Variants in ST6GAL1 observed in about 807,000 individuals in gnomAD.
ST6GAL1 encodes the protein beta-galactoside alpha-2,6-sialyltransferase 1.
In ST6GAL1, 20 loss-of-function variants were observed where a neutral mutation model predicts 38.0. The observed-to-expected ratio is 0.53, with a 90% CI of 0.37 to 0.77. ST6GAL1 has a LOEUF of 0.77. Among genes scored for constraint, ST6GAL1 ranks in the 30% least tolerant of loss-of-function variants. The pLI, the probability that ST6GAL1 is intolerant of heterozygous loss-of-function variation, is 0.00. For missense variants in ST6GAL1, 432 were observed against 496.4 expected (o/e 0.87, Z 1.23); for synonymous variants, 196 against 188.2 (o/e 1.04, Z -0.34).
At chr3:186,961,859 G>A (rs1336360986) in intron 1 of ST6GAL1, among the ~76,000 whole-genome samples, 1 of 152,164 alleles carries the variant, frequency 6.6e-6, no homozygotes, top group Non-Finnish European at 1.5e-5. Context: ...AGGCAGAGCA[G>A]TCAGCCCAGC....
At chr3:186,985,689 T>TGCCGAG (rs2108541046) in intron 2 of ST6GAL1, among the ~76,000 whole-genome samples, 1 of 150,816 alleles carries the variant, frequency 6.6e-6, no homozygotes, top group East Asian at 1.9e-4. Flanking sequence ...GAGGGACGAT[T>TGCCGAG]GCTTGAGCCT....
At chr3:186,957,844 G>A (rs79367696) in intron 1 of ST6GAL1, among the ~76,000 whole-genome samples, 12,580 of 152,168 alleles carry the variant, frequency 0.083, 646 homozygotes, top group Non-Finnish European at 0.12. Context: ...TCAAATATGA[G>A]GGTGGAATAA....
At chr3:187,065,573 G>C (rs2108597832) in intron 5 of ST6GAL1, among the ~76,000 whole-genome samples, 1 of 152,296 alleles carries the variant, frequency 6.6e-6, no homozygotes, top group East Asian at 1.9e-4. Flanking sequence ...ATAAGAGTAA[G>C]AAGGTTTCTG....
chr3:187,022,418 A>C (rs1717356848), intron 2 of ST6GAL1, among the ~76,000 whole-genome samples: 1 of 152,262 alleles, frequency 6.6e-6, no homozygotes, highest in South Asian at 2.1e-4. Context: ...CGTTTTAGGG[A>C]TTCTTTAGCT....
chr3:186,951,050 A>G (rs1714558041), intron 1 of ST6GAL1, among the ~76,000 whole-genome samples: 1 of 141,338 alleles, frequency 7.1e-6, no homozygotes, highest in African/African-American at 2.5e-5. Context: ...GTCATCCTGA[A>G]TGGTCCCACT....
chr3:187,066,565 A>G (rs115009396), intron 5 of ST6GAL1, among the ~76,000 whole-genome samples: 2,116 of 151,768 alleles, frequency 0.014, 43 homozygotes, highest in African/African-American at 0.047. Flanking sequence ...AGTCCAAAAT[A>G]TGCACAGTGG....
At chr3:187,074,460 G>T in intron 7 of ST6GAL1, 127 bp downstream of exon 7, 1 of 1,029,536 alleles carries the variant, frequency 9.7e-7, no homozygotes. Flanking sequence ...ATTCTGCTCT[G>T]CTTGTAGACC....
intron 2 of ST6GAL1, among the ~76,000 whole-genome samples, chr3:186,992,488 T>A (rs544063780): frequency 3.0e-4 from 45 of 151,918 alleles, no homozygotes; most frequent in African/African-American, 7.0e-4. Context: ...CCTTAAAAAA[T>A]AAATAAATAA....
At chr3:186,966,049 C>T (rs1227796249) in intron 2 of ST6GAL1, among the ~76,000 whole-genome samples, 2 of 152,272 alleles carry the variant, frequency 1.3e-5, no homozygotes, top group African/African-American at 2.4e-5. Context: ...TAGGCATGGG[C>T]CACCACGCTG....
rs1205713771 is a variant in ST6GAL1 at position 186,930,784 on chromosome 3, G to A, written c.-375G>A. 1.3e-5 allele frequency: 2 copies of A among 152,358 alleles called. No individual in the cohort carries two copies. Among genetic ancestry groups the A allele is most frequent in the Non-Finnish European group, 2.9e-5 (2 of 68,188 alleles). 9.4% of individuals were successfully genotyped at this position (152,358 alleles called of 1,614,324 possible). On this transcript the variant is annotated 5_prime_UTR_variant, in exon 1 of 8. Transcript: ENST00000169298. ...CGGCGTGGGCGCGGAGCGGGCGGCCGCCACCGAGCGTGCTGAGCAACCGCA... is the reference window on the plus strand; with the variant it reads ...CGGCGTGGGCGCGGAGCGGGCGGCCACCACCGAGCGTGCTGAGCAACCGCA...
At chr3:186,971,666 G>C (rs868264157) in intron 2 of ST6GAL1, among the ~76,000 whole-genome samples, 1 of 152,190 alleles carries the variant, frequency 6.6e-6, no homozygotes, top group African/African-American at 2.4e-5. Flanking sequence ...TCATTGTCCT[G>C]GGTAGCCCAT....
intron 1 of ST6GAL1, among the ~76,000 whole-genome samples, chr3:186,962,985 CAGGT>C (rs953579379): frequency 2.6e-5 from 4 of 152,048 alleles, no homozygotes; most frequent in Non-Finnish European, 5.9e-5. Context: ...AAACAAGAAA[CAGGT>C]AGAGTATGTT....
intron 2 of ST6GAL1, among the ~76,000 whole-genome samples, chr3:187,030,846 C>T (rs977568870): frequency 2.0e-5 from 3 of 152,164 alleles, no homozygotes; most frequent in African/African-American, 4.8e-5. Context: ...AGTAAATTCC[C>T]TGTCATTCAG....
intron 2 of ST6GAL1, among the ~76,000 whole-genome samples, chr3:187,022,211 A>C (rs1717339719): frequency 6.6e-6 from 1 of 152,094 alleles, no homozygotes; most frequent in African/African-American, 2.4e-5. Context: ...TTGGAACTGA[A>C]TTAGAGGACA....
At chr3:187,061,966 T>A (rs917478008) in intron 5 of ST6GAL1, among the ~76,000 whole-genome samples, 23 of 152,168 alleles carry the variant, frequency 1.5e-4, no homozygotes, top group African/African-American at 5.3e-4. Flanking sequence ...TATTTGCAAG[T>A]CATCTATCTG....
At chr3:187,041,878 T>C (rs916444400) in intron 3 of ST6GAL1, 3 of 152,246 alleles carry the variant, frequency 2.0e-5, no homozygotes, top group African/African-American at 7.2e-5. Context: ...TGAAATAACA[T>C]CTAGCGTGCT....
chr3:187,032,422 G>C (rs575456096), intron 2 of ST6GAL1, among the ~76,000 whole-genome samples: 1 of 152,282 alleles, frequency 6.6e-6, no homozygotes, highest in East Asian at 1.9e-4. Flanking sequence ...GGCTAAGAAA[G>C]AGCCTCTTCC....
intron 1 of ST6GAL1, among the ~76,000 whole-genome samples, chr3:186,933,451 C>T (rs1256396103): frequency 3.9e-5 from 6 of 152,172 alleles, no homozygotes; most frequent in Non-Finnish European, 7.3e-5. Flanking sequence ...TCGGAACCAC[C>T]GAACGCGGGT....
intron 2 of ST6GAL1, among the ~76,000 whole-genome samples, chr3:187,017,471 T>C (rs1039914750): frequency 1.4e-5 from 2 of 147,918 alleles, no homozygotes; most frequent in African/African-American, 5.0e-5. Flanking sequence ...TTCATGGCTG[T>C]GAGATTAGGG....
Sources: allele counts gnomAD v4.1 joint callset (sites outside exome capture counted in the v4.1 genomes callset), GRCh38; gene constraint gnomAD v4.1.1; transcripts MANE v1.5; gene names NCBI Gene and HGNC (gene_info 2026-07-23, HGNC 2026-07-21).